FSD1L: variants seen among roughly 807,000 people sequenced by gnomAD.
FSD1L encodes fibronectin type III and SPRY domain containing 1 like.
Under a neutral mutation model 71.6 loss-of-function variants are expected in FSD1L, and 45 were observed. The ratio of observed to expected loss-of-function variants is 0.63; its 90% CI spans 0.49 to 0.81. The LOEUF is 0.81. Among genes scored for constraint, FSD1L ranks in the 30% least tolerant of loss-of-function variants. The pLI is 0.00. For synonymous variants in FSD1L, 197 were observed against 207.2 expected, an observed-to-expected ratio of 0.95 and a Z score of 0.42; for missense variants, 561 against 618.1, an observed-to-expected ratio of 0.91 and a Z score of 0.98.
intron 10 of FSD1L, chr9:105,524,556 G>T: frequency 6.2e-7 from 1 of 1,613,960 alleles, no homozygotes; most frequent in Non-Finnish European, 8.5e-7. Flanking sequence ...GGTTTTACAT[G>T]GGTGTGTTTA....
chr9:105,514,291 CTA>C (rs1834568361), intron 10 of FSD1L, among the ~76,000 whole-genome samples: 1 of 152,150 alleles, frequency 6.6e-6, no homozygotes, highest in African/African-American at 2.4e-5. Context: ...ATTTAATAGT[CTA>C]TGAGTAGACT....
chr9:105,450,405 A>G (rs1477853898), intron 1 of FSD1L, among the ~76,000 whole-genome samples: 2 of 152,232 alleles, frequency 1.3e-5, no homozygotes, highest in African/African-American at 4.8e-5. Context: ...CTCTGGAGCC[A>G]AGTCTCCAGT....
chr9:105,544,329 C>CT (rs1260098541), intron 13 of FSD1L, among the ~76,000 whole-genome samples: 2 of 152,090 alleles, frequency 1.3e-5, no homozygotes, highest in African/African-American at 2.4e-5. Flanking sequence ...GATATTAGCC[C>CT]TTTGTCAGAT....
chr9:105,455,850 A>G (rs933586532), intron 1 of FSD1L, among the ~76,000 whole-genome samples: 1 of 152,218 alleles, frequency 6.6e-6, no homozygotes, highest in Non-Finnish European at 1.5e-5. Flanking sequence ...TAAATTGGCT[A>G]TAATAATAGT....
At chr9:105,468,433 T>C (rs2131630822) in intron 4 of FSD1L, 109 bp downstream of exon 4, 1 of 778,306 alleles carries the variant, frequency 1.3e-6, no homozygotes, top group East Asian at 3.4e-5. Context: ...CCTTACCTCG[T>C]AGAAGAATGG....
intron 13 of FSD1L, among the ~76,000 whole-genome samples, chr9:105,545,563 T>A (rs187857741): frequency 6.6e-6 from 1 of 151,650 alleles, no homozygotes; most frequent in Admixed American, 6.6e-5. Context: ...TGTGGGTTTG[T>A]CATAAATAGC....
chr9:105,522,827 A>T (rs536361299), intron 10 of FSD1L: 12 of 1,612,954 alleles, frequency 7.4e-6, no homozygotes, highest in Non-Finnish European at 9.3e-6. Flanking sequence ...TGACAAGAAG[A>T]GGAAGTAGTC....
Position 105,477,336 on chromosome 9 carries a change from T to A in FSD1L, c.442-2018T>A, listed in dbSNP as rs1366885256. Among the ~76,000 whole-genome samples the A allele has an allele frequency of 4.6e-5, 7 of 152,340 alleles. No homozygotes were observed. In the East Asian group the frequency reaches 1.2e-3, roughly 25 times the overall value. On this transcript the variant is annotated intron_variant, in intron 5 of 13. Coordinates refer to ENST00000481272, the MANE Select transcript of FSD1L (RefSeq NM_001145313.3). Reference sequence around the variant, plus strand: ...GCATATTGGAAAAGATGGCTTTTGTTATTGGGCAAGTTTCCCAATACTAAA... The same window carrying A: ...GCATATTGGAAAAGATGGCTTTTGTAATTGGGCAAGTTTCCCAATACTAAA...
chr9:105,548,955 T>C lies in FSD1L; in HGVS notation c.*2472T>C, dbSNP rs993289144. 1 of 152,062 alleles carries C rather than the reference T, an allele frequency of 6.6e-6. No individual in the cohort carries two copies. The highest frequency in any genetic ancestry group is 2.4e-5 in the African/African-American group (1 of 41,436). The allele number at this position is 152,062 out of a possible 1,614,324, so 9.4% of individuals were successfully genotyped here. ...TCCTCATTTTCAAACTGAAAACTAA[T>C]CAAATATAGTGCCTATTTAGTCTCA... is the stretch of plus-strand genomic sequence containing the variant. On this transcript the variant is annotated 3_prime_UTR_variant, in exon 14 of 14. Transcript: ENST00000481272.
At chr9:105,469,620 T>C (rs764888966) in intron 4 of FSD1L, among the ~76,000 whole-genome samples, 6 of 152,074 alleles carry the variant, frequency 3.9e-5, no homozygotes, top group Non-Finnish European at 8.8e-5. Context: ...TTGGGTTACT[T>C]GGGGTTTTTG....
intron 7 of FSD1L, among the ~76,000 whole-genome samples, chr9:105,499,828 C>T (rs1362241363): frequency 1.3e-5 from 2 of 152,000 alleles, no homozygotes; most frequent in African/African-American, 4.8e-5. Flanking sequence ...TTACTCCTTT[C>T]GTACTTCCAC....
intron 13 of FSD1L, 30 bp downstream of exon 13, chr9:105,539,381 TA>T: frequency 1.0e-6 from 1 of 957,554 alleles, no homozygotes. Context: ...TATATATACC[TA>T]ACATATTTTA....
intron 7 of FSD1L, among the ~76,000 whole-genome samples, chr9:105,485,932 A>G (rs1832521607): frequency 6.6e-6 from 1 of 152,058 alleles, no homozygotes; most frequent in Non-Finnish European, 1.5e-5. Context: ...CGTGAGCACA[A>G]GTACTTTTTT....
At chr9:105,450,748 G>A (rs1156613906) in intron 1 of FSD1L, among the ~76,000 whole-genome samples, 3 of 151,682 alleles carry the variant, frequency 2.0e-5, no homozygotes, top group Non-Finnish European at 2.9e-5. Flanking sequence ...TGGCCAGCTG[G>A]TCTCAAACTC....
At chr9:105,490,147 C>T (rs929502758) in intron 7 of FSD1L, among the ~76,000 whole-genome samples, 2 of 152,210 alleles carry the variant, frequency 1.3e-5, no homozygotes, top group African/African-American at 4.8e-5. Context: ...CCTATTTCTC[C>T]ACATCCTCTC....
intron 1 of FSD1L, among the ~76,000 whole-genome samples, chr9:105,449,327 T>C (rs1458533143): frequency 6.6e-6 from 1 of 152,244 alleles, no homozygotes; most frequent in Non-Finnish European, 1.5e-5. Flanking sequence ...GAAACTCACC[T>C]TGGAATGCAT....
At chr9:105,498,630 A>G (rs1220310770) in intron 7 of FSD1L, among the ~76,000 whole-genome samples, 1 of 152,240 alleles carries the variant, frequency 6.6e-6, no homozygotes, top group East Asian at 1.9e-4. Context: ...CTTATGGCTC[A>G]TGACCATATG....
intron 7 of FSD1L, among the ~76,000 whole-genome samples, chr9:105,490,989 G>T (rs1420888198): frequency 6.6e-6 from 1 of 150,886 alleles, no homozygotes; most frequent in African/African-American, 2.4e-5. Context: ...GGCGATGTGG[G>T]CTCTTTTTTG....
intron 8 of FSD1L, among the ~76,000 whole-genome samples, chr9:105,508,001 C>T (rs934640209): frequency 1.5e-4 from 23 of 150,936 alleles, no homozygotes; most frequent in African/African-American, 5.6e-4. Flanking sequence ...AAGTGATTCT[C>T]CTGTCTCAGC....
Sources: gnomAD v4.1 joint callset for allele counts (sites outside exome capture counted in the v4.1 genomes callset) on GRCh38, gnomAD v4.1.1 for gene constraint, MANE v1.5 for transcripts, NCBI Gene and HGNC (gene_info 2026-07-23, HGNC 2026-07-21) for gene names.